The following LINGO2 variants were observed in gnomAD, a reference collection of about 807,000 sequenced individuals.
The protein encoded by LINGO2 is leucine-rich repeat and immunoglobulin-like domain-containing nogo receptor-interacting protein 2.
A neutral mutation model predicts 30.6 loss-of-function variants in LINGO2; 14 were observed. The observed-to-expected ratio is 0.46, with a 90% CI of 0.30 to 0.72. The LOEUF (loss-of-function observed/expected upper bound fraction) is 0.72, where lower values mean the gene tolerates loss of function less well. Among genes scored for constraint, LINGO2 ranks in the 30% least tolerant of loss-of-function variants. The probability of loss-of-function intolerance (pLI) is 0.07; values close to 1 mark genes in which losing one functional copy is unlikely to be tolerated. For missense variants in LINGO2, 729 were observed against 751.7 expected, an observed-to-expected ratio of 0.97 and a Z score of 0.35; for synonymous variants, 317 against 288.5, an observed-to-expected ratio of 1.10 and a Z score of -1.00.
At chr9:28,091,023 T>C (rs1008758709) in intron 4 of LINGO2, among the ~76,000 whole-genome samples, 7 of 152,054 alleles carry the variant, frequency 4.6e-5, no homozygotes, top group Non-Finnish European at 8.8e-5. Context: ...TGAAGGACCT[T>C]TTCAAGGAGA....
chr9:28,625,864 G>A (rs1024982520), intron 1 of LINGO2, among the ~76,000 whole-genome samples: 1 of 151,754 alleles, frequency 6.6e-6, no homozygotes, highest in African/African-American at 2.4e-5. Flanking sequence ...TTTTTCATTT[G>A]AAAGATATAA....
chr9:29,175,130 A>C, the LINGO2 span, among the ~76,000 whole-genome samples: 2 of 151,856 alleles, frequency 1.3e-5, no homozygotes, highest in Non-Finnish European at 2.9e-5. Flanking sequence ...GTGGTGGTGC[A>C]TGCCTGTAAT....
At chr9:29,003,849 T>A in the LINGO2 span, among the ~76,000 whole-genome samples, 1 of 152,030 alleles carries the variant, frequency 6.6e-6, no homozygotes, top group Non-Finnish European at 1.5e-5. Flanking sequence ...AGGGAGAGAA[T>A]CTGTATCACT....
the LINGO2 span, among the ~76,000 whole-genome samples, chr9:28,969,233 C>A: frequency 6.6e-6 from 1 of 152,046 alleles, no homozygotes; most frequent in Non-Finnish European, 1.5e-5. Flanking sequence ...TTATGTGACA[C>A]AATTTTACAG....
chr9:28,727,837 T>G, the LINGO2 span, among the ~76,000 whole-genome samples: 4 of 152,118 alleles, frequency 2.6e-5, no homozygotes, highest in South Asian at 8.3e-4. Context: ...GAAACATAGA[T>G]AGAGAGAGAT....
intron 4 of LINGO2, among the ~76,000 whole-genome samples, chr9:28,195,960 T>A (rs1375464434): frequency 4.6e-5 from 7 of 151,716 alleles, no homozygotes; most frequent in Non-Finnish European, 3.0e-5. Context: ...AAAACTGGTG[T>A]ATTCCATGAA....
chr9:29,179,035 T>TG, the LINGO2 span, among the ~76,000 whole-genome samples: 4 of 151,386 alleles, frequency 2.6e-5, no homozygotes, highest in African/African-American at 9.7e-5. Flanking sequence ...GGATATAGGC[T>TG]GAGCTGGTTG....
intron 4 of LINGO2, among the ~76,000 whole-genome samples, chr9:28,168,252 T>A (rs1447050807): frequency 2.0e-5 from 3 of 152,216 alleles, no homozygotes; most frequent in African/African-American, 4.8e-5. Context: ...AGTTTTTGAT[T>A]AAGCCATGGT....
intron 4 of LINGO2, among the ~76,000 whole-genome samples, chr9:28,291,798 A>T (rs546417478): frequency 5.3e-5 from 8 of 152,230 alleles, no homozygotes; most frequent in Non-Finnish European, 8.8e-5. Flanking sequence ...AAATGATGGC[A>T]GAATTTCCAA....
At chr9:28,455,461 C>A (rs991824615) in intron 2 of LINGO2, among the ~76,000 whole-genome samples, 1 of 151,974 alleles carries the variant, frequency 6.6e-6, no homozygotes, top group Admixed American at 6.6e-5. Context: ...GACAAATCTA[C>A]CCTTTCTCTA....
chr9:28,723,929 A>G, the LINGO2 span, among the ~76,000 whole-genome samples: 10 of 152,174 alleles, frequency 6.6e-5, no homozygotes, highest in African/African-American at 2.4e-4. Flanking sequence ...AAAAGAAAAA[A>G]AAATTAACAA....
chr9:28,524,134 T>C (rs1204744443), intron 1 of LINGO2, among the ~76,000 whole-genome samples: 2 of 152,148 alleles, frequency 1.3e-5, no homozygotes, highest in Admixed American at 1.3e-4. Flanking sequence ...TTAGGGTCAA[T>C]TGATTTTCCA....
At chr9:28,675,658 G>T in the LINGO2 span, among the ~76,000 whole-genome samples, 1 of 151,748 alleles carries the variant, frequency 6.6e-6, no homozygotes, top group Non-Finnish European at 1.5e-5. Context: ...ATCACCTGAG[G>T]TCAGGAGTTT....
At chr9:28,054,854 CT>C (rs1333854168) in intron 4 of LINGO2, among the ~76,000 whole-genome samples, 3 of 152,004 alleles carry the variant, frequency 2.0e-5, no homozygotes, top group Non-Finnish European at 4.4e-5. Context: ...GTTGTTATGC[CT>C]TATTTTAGAA....
chr9:29,142,601 A>G, the LINGO2 span, among the ~76,000 whole-genome samples: 1 of 151,910 alleles, frequency 6.6e-6, no homozygotes, highest in Non-Finnish European at 1.5e-5. Context: ...TAGTAACAAT[A>G]AAAGACACTA....
the LINGO2 span, among the ~76,000 whole-genome samples, chr9:28,966,494 G>A: frequency 6.6e-6 from 1 of 151,920 alleles, no homozygotes; most frequent in African/African-American, 2.4e-5. Flanking sequence ...GCTTACAAAC[G>A]AATAGCCATC....
the LINGO2 span, among the ~76,000 whole-genome samples, chr9:28,798,633 G>A: frequency 1.3e-5 from 2 of 152,094 alleles, no homozygotes; most frequent in Non-Finnish European, 2.9e-5. Context: ...TTCACTTGAG[G>A]TTGATGAACA....
intron 2 of LINGO2, among the ~76,000 whole-genome samples, chr9:28,404,581 C>T (rs1335579584): frequency 6.6e-6 from 1 of 152,172 alleles, no homozygotes; most frequent in Non-Finnish European, 1.5e-5. Flanking sequence ...TATAGCACTA[C>T]TGTGCTGAGC....
chr9:28,433,148 A>G (rs951463953), intron 2 of LINGO2, among the ~76,000 whole-genome samples: 4 of 152,174 alleles, frequency 2.6e-5, no homozygotes, highest in Non-Finnish European at 5.9e-5. Context: ...AGGTAACAGT[A>G]GATGGTTTCA....
Sources: allele counts gnomAD v4.1 joint callset (sites outside exome capture counted in the v4.1 genomes callset), GRCh38; gene constraint gnomAD v4.1.1; transcripts MANE v1.5; gene names NCBI Gene and HGNC (gene_info 2026-07-23, HGNC 2026-07-21).